MAP3K13: variants seen among roughly 807,000 people sequenced by gnomAD.
MAP3K13 encodes the protein mitogen-activated protein kinase kinase kinase 13.
In MAP3K13, 52 loss-of-function variants were observed where a neutral mutation model predicts 104.0. That is an observed-to-expected ratio of 0.50 (90% CI 0.40 to 0.63). The LOEUF (loss-of-function observed/expected upper bound fraction) is 0.63, where lower values mean the gene tolerates loss of function less well. Among genes scored for constraint, MAP3K13 ranks in the 20% least tolerant of loss-of-function variants. The pLI is 0.00. For synonymous variants in MAP3K13, 394 were observed against 442.2 expected, an observed-to-expected ratio of 0.89 and a Z score of 1.37; for missense variants, 914 against 1,218.5, an observed-to-expected ratio of 0.75 and a Z score of 3.72.
chr3:185,406,005 A>G (rs555856791), intron 1 of MAP3K13, among the ~76,000 whole-genome samples: 63 of 152,342 alleles, frequency 4.1e-4, no homozygotes, highest in African/African-American at 1.3e-3. Context: ...TTTGACTTTT[A>G]GAAGCATTTT....
At chr3:185,467,100 A>G (rs1192854975) in intron 10 of MAP3K13, 137 bp downstream of exon 10, 2 of 920,118 alleles carry the variant, frequency 2.2e-6, no homozygotes, top group Non-Finnish European at 3.3e-6. Context: ...CTCTAGGTAA[A>G]ACAGAGTAAG....
intron 2 of MAP3K13, among the ~76,000 whole-genome samples, chr3:185,310,368 A>G (rs1721453909): frequency 1.3e-5 from 2 of 152,160 alleles, no homozygotes; most frequent in Non-Finnish European, 1.5e-5. Context: ...TATGAAATAT[A>G]TGAAAAAAAA....
chr3:185,287,947 G>T (rs556074198), intron 2 of MAP3K13, among the ~76,000 whole-genome samples: 15 of 152,318 alleles, frequency 9.8e-5, no homozygotes, highest in African/African-American at 2.6e-4. Flanking sequence ...TGAGGTAGGA[G>T]AATCATTTGA....
Position 185,482,483 on chromosome 3 carries a change from C to A in MAP3K13, c.*27C>A. On this transcript the variant is annotated 3_prime_UTR_variant, in exon 14 of 14. Transcript: ENST00000265026. This position sits in a 1 kb window ranked among gnomAD's most constrained non-coding sequence, Gnocchi z 4.5. ...GAAGGAATACACATCCTGAAGATCTCGTGACTATACTGGCATTTCAGATCC... is the reference window on the plus strand; with the variant it reads ...GAAGGAATACACATCCTGAAGATCTAGTGACTATACTGGCATTTCAGATCC... 1.3e-6 allele frequency: 2 copies of A among 1,521,222 alleles called. No homozygotes were observed. Among genetic ancestry groups the A allele is most frequent in the South Asian group, 1.1e-5 (1 of 89,018 alleles). The allele number at this position is 1,521,222 out of a possible 1,614,324, so 94.2% of individuals were successfully genotyped here. A position where few individuals can be genotyped will look rare whatever the true frequency, so the allele number is the denominator to read the frequency against.
Position 185,418,354 on chromosome 3 carries a change from T to A in MAP3K13, c.-85-10143T>A. On this transcript the variant is annotated intron_variant, in intron 1 of 13. Transcript: ENST00000265026. The surrounding 1 kb of genome is among the most constrained non-coding windows in gnomAD (Gnocchi z 4.5). ...AAGTTCAGGAACTTCCTCAATACGA[T>A]GACCTTTAGACATGACCAGTGCTGG... is the stretch of plus-strand genomic sequence containing the variant. 1.3e-6 allele frequency: 2 copies of A among 1,595,660 alleles called. No individual in the cohort carries two copies. The highest frequency in any genetic ancestry group is 8.6e-7 in the Non-Finnish European group (1 of 1,164,964).
chr3:185,357,839 C>G (rs527588973), intron 2 of MAP3K13, among the ~76,000 whole-genome samples: 1 of 152,290 alleles, frequency 6.6e-6, no homozygotes, highest in Non-Finnish European at 1.5e-5. Context: ...CATAAAATCT[C>G]AAGCAATTGC....
rs755027712 is a variant in MAP3K13 at position 185,428,951 on chromosome 3, G to A, written c.370G>A (p.Gly124Ser). The A allele has an allele frequency of 6.2e-7, 1 of 1,614,186 alleles. No individual in the cohort carries two copies. Among genetic ancestry groups the A allele is most frequent in the South Asian group, 1.1e-5 (1 of 91,074 alleles). ...EDIKIQFSRS[G>S]SGSGGFLEGL... ...CATAAAGATTCAGTTCAGCAGGTCA[G>A]GCAGTGGCAGTGGTGGGTTTCTTGA... The change falls in exon 2 of 14, where the codon GGC becomes AGC. Residue 124 changes from glycine (G) to serine (S), a missense_variant. Around this residue, in one of 3 missense-constraint regions of MAP3K13, gnomAD observed 156 missense variants for 159.8 expected, o/e 0.98. Transcript: ENST00000265026.
At position 185,418,244 on chromosome 3, in the gene MAP3K13, C is replaced by T. The variant is rs1713908912; in HGVS notation, c.-85-10253C>T. The stretch of plus-strand genomic sequence containing the variant: ...TGAGAGGCATAGACCTTTTCGATAT[C>T]ATTCCAGGCTTTAAGTTTCTTAAGG... On this transcript the variant is annotated intron_variant, in intron 1 of 13. Transcript: ENST00000265026. This position sits in a 1 kb window ranked among gnomAD's most constrained non-coding sequence, Gnocchi z 4.5. 1 of 1,605,526 alleles carries T rather than the reference C, an allele frequency of 6.2e-7. No homozygotes were observed. The highest frequency in any genetic ancestry group is 8.5e-7 in the Non-Finnish European group (1 of 1,173,708).
chr3:185,485,831 T>C lies in MAP3K13; in HGVS notation c.*3375T>C, dbSNP rs56240945. On this transcript the variant is annotated 3_prime_UTR_variant, in exon 14 of 14. Transcript: ENST00000265026. ...AGAAATAAGGGAGGACTACCGTATA[T>C]ACATGTAGGGCATGACATAAAATGC... 0.47 allele frequency: 71,934 copies of C among 152,030 alleles called. 17,285 individuals are homozygous for C. Among genetic ancestry groups the C allele is most frequent in the Middle Eastern group, 0.51 (151 of 294 alleles). 9.4% of individuals were successfully genotyped at this position (152,030 alleles called of 1,614,324 possible).
chr3:185,346,004 A>C (rs1483842800), intron 2 of MAP3K13, among the ~76,000 whole-genome samples: 2 of 152,152 alleles, frequency 1.3e-5, no homozygotes, highest in Non-Finnish European at 2.9e-5. Flanking sequence ...TTTACCTCAC[A>C]TACCTATTAT....
chr3:185,431,735 C>G (rs914644955), intron 2 of MAP3K13, among the ~76,000 whole-genome samples: 1 of 152,192 alleles, frequency 6.6e-6, no homozygotes, highest in African/African-American at 2.4e-5. Context: ...ACTTCAGTTA[C>G]CATTATCCAC....
chr3:185,310,038 G>A (rs1268225063), intron 2 of MAP3K13, among the ~76,000 whole-genome samples: 1 of 152,170 alleles, frequency 6.6e-6, no homozygotes, highest in Non-Finnish European at 1.5e-5. Flanking sequence ...GATGGAGAGA[G>A]AGAACCCCCT....
At chr3:185,331,620 G>A (rs1487470093) in intron 2 of MAP3K13, among the ~76,000 whole-genome samples, 1 of 152,012 alleles carries the variant, frequency 6.6e-6, no homozygotes, top group African/African-American at 2.4e-5. Flanking sequence ...GTAGACACTT[G>A]GTAAATCGTT....
chr3:185,418,913 G>A lies in MAP3K13; in HGVS notation c.-85-9584G>A. The A allele has an allele frequency of 2.1e-6, 2 of 975,350 alleles. No individual in the cohort carries two copies. The highest frequency in any genetic ancestry group is 2.9e-6 in the Non-Finnish European group (2 of 678,298). The allele number at this position is 975,350 out of a possible 1,614,324, so 60.4% of individuals were successfully genotyped here. On this transcript the variant is annotated intron_variant, in intron 1 of 13. Transcript: ENST00000265026. This position sits in a 1 kb window ranked among gnomAD's most constrained non-coding sequence, Gnocchi z 4.5. ...TTCTGCCTTTTCTAGAATCAAATGT[G>A]AATCTCATTAGTAGAAAAGGTAAAA...
In MAP3K13 at chr3:185,354,134, C is replaced by T. The variant is rs374375454; in HGVS notation, c.-86+68491C>T. ...GGAAGAGCGGCTCTTGGCCTTGACTCAGCCTCACTTCACATTCCCAGAGCT... is the reference window on the plus strand; with the variant it reads ...GGAAGAGCGGCTCTTGGCCTTGACTTAGCCTCACTTCACATTCCCAGAGCT... On this transcript the variant is annotated intron_variant, in intron 2 of 14. Coordinates refer to the MAP3K13 transcript ENST00000424227. Among the ~76,000 whole-genome samples, 38 of 152,092 alleles carry T rather than the reference C, an allele frequency of 2.5e-4. No homozygotes were observed. The East Asian group carries it at 7.1e-3, about 28-fold the overall frequency.
chr3:185,330,920 T>C (rs1239084996), intron 2 of MAP3K13, among the ~76,000 whole-genome samples: 8 of 152,068 alleles, frequency 5.3e-5, no homozygotes, highest in Non-Finnish European at 1.0e-4. Context: ...GCTCTTGCCT[T>C]AGGGCAGCTG....
chr3:185,456,413 C>A (rs2148908848), intron 7 of MAP3K13, among the ~76,000 whole-genome samples: 1 of 152,202 alleles, frequency 6.6e-6, no homozygotes, highest in East Asian at 1.9e-4. Context: ...GATCAATTCC[C>A]TTAGCACTAT....
upstream of MAP3K13, among the ~76,000 whole-genome samples, chr3:185,359,983 G>A (rs143981565): frequency 7.4e-5 from 11 of 149,278 alleles, no homozygotes; most frequent in East Asian, 2.1e-3. Flanking sequence ...ATATTTTATA[G>A]CAGAATTATT....
chr3:185,365,503 G>A (rs141378963), intron 1 of MAP3K13, among the ~76,000 whole-genome samples: 169 of 152,290 alleles, frequency 1.1e-3, no homozygotes, highest in African/African-American at 3.9e-3. Context: ...TTTGGTTTGC[G>A]TTGTGTGCCT....
Sources: allele counts gnomAD v4.1 joint callset (sites outside exome capture counted in the v4.1 genomes callset), GRCh38; gene constraint gnomAD v4.1.1; regional missense constraint gnomAD v4.1.1; non-coding constraint Gnocchi (gnomAD v3.1); transcripts MANE v1.5; gene names NCBI Gene and HGNC (gene_info 2026-07-23, HGNC 2026-07-21).